XXYLT1: variants seen among roughly 807,000 people sequenced by gnomAD.
XXYLT1 encodes xyloside xylosyltransferase 1, also known as UDP-xylose:alpha-xyloside alpha-1,3-xylosyltransferase.
In XXYLT1, 20 loss-of-function variants were observed where a neutral mutation model predicts 28.9. That is an observed-to-expected ratio of 0.69 (90% CI 0.49 to 1.00). XXYLT1 has a LOEUF of 1.00. Ranked by LOEUF, XXYLT1 falls within the 50% of genes least tolerant of loss-of-function variation. The pLI is 0.00. For missense variants in XXYLT1, 542 were observed against 560.1 expected (o/e 0.97, Z 0.33); for synonymous variants, 257 against 253.8 (o/e 1.01, Z -0.12).
At chr3:195,080,689 G>A (rs965713543) in intron 3 of XXYLT1, among the ~76,000 whole-genome samples, 2 of 152,146 alleles carry the variant, frequency 1.3e-5, no homozygotes, top group South Asian at 2.1e-4. Context: ...GGTGTTTTCC[G>A]GGACAGCGAG....
intron 2 of XXYLT1, among the ~76,000 whole-genome samples, chr3:195,158,880 G>A (rs1720735005): frequency 6.6e-6 from 1 of 152,132 alleles, no homozygotes; most frequent in African/African-American, 2.4e-5. Flanking sequence ...TTTCTAAAGG[G>A]GCCTGTTCCT....
rs1215471328 is a variant in XXYLT1 at position 195,180,266 on chromosome 3, C to T, written c.653-23685G>A. ...CACCGGGGGTGGTGAGTGGCACACT[C>T]GGTCCCCCAGTTACAGGAAAGGTCC... On this transcript the variant is annotated intron_variant, in intron 2 of 3. Coordinates refer to ENST00000310380, the MANE Select transcript of XXYLT1 (RefSeq NM_152531.5). The surrounding 1 kb of genome is among the most constrained non-coding windows in gnomAD (Gnocchi z 5.8). 4 of 961,472 alleles carry T rather than the reference C, an allele frequency of 4.2e-6. No homozygotes were observed. The highest frequency in any genetic ancestry group is 1.8e-5 in the African/African-American group (1 of 56,816). The allele number at this position is 961,472 out of a possible 1,614,324, so 59.6% of individuals were successfully genotyped here.
rs543347960 is a variant in XXYLT1 at position 195,102,659 on chromosome 3, T to TTGTG, written c.786-32552_786-32549dup. Among the ~76,000 whole-genome samples the TTGTG allele has an allele frequency of 6.3e-3, 954 of 151,166 alleles. 9 individuals carry two copies. Among genetic ancestry groups the TTGTG allele is most frequent in the African/African-American group, 0.022 (913 of 41,296 alleles). On this transcript the variant is annotated intron_variant, in intron 3 of 3. Coordinates refer to ENST00000310380, the MANE Select transcript of XXYLT1 (RefSeq NM_152531.5). ...TTTAAAGGCCGAGTAATATTCCGTT[T>TTGTG]TGTGTGTGTGTGTGTGTGTCTTGTA...
intron 3 of XXYLT1, among the ~76,000 whole-genome samples, chr3:195,126,055 A>G (rs1577057722): frequency 6.6e-6 from 1 of 152,244 alleles, no homozygotes; most frequent in Non-Finnish European, 1.5e-5. Context: ...ACAGTGACCT[A>G]CGCCCAAATC....
chr3:195,239,445 CAAG>C (rs1370795832), intron 1 of XXYLT1, among the ~76,000 whole-genome samples: 2 of 152,134 alleles, frequency 1.3e-5, no homozygotes, highest in African/African-American at 4.8e-5. Flanking sequence ...TCGAGAGCTG[CAAG>C]AAGAACATAC....
At chr3:195,111,362 G>A (rs1000060523) in intron 3 of XXYLT1, among the ~76,000 whole-genome samples, 2 of 152,150 alleles carry the variant, frequency 1.3e-5, no homozygotes, top group South Asian at 2.1e-4. Context: ...AGGGAGTGGT[G>A]GTTAGGGCTT....
intron 3 of XXYLT1, among the ~76,000 whole-genome samples, chr3:195,126,924 G>A (rs542409463): frequency 2.0e-5 from 3 of 152,298 alleles, no homozygotes; most frequent in African/African-American, 7.2e-5. Context: ...CAGAGGGTCC[G>A]AAAGACTCTC....
At chr3:195,228,422 C>T (rs1450661400) in intron 1 of XXYLT1, among the ~76,000 whole-genome samples, 1 of 151,354 alleles carries the variant, frequency 6.6e-6, no homozygotes, top group Non-Finnish European at 1.5e-5. Flanking sequence ...CATCGGTGGT[C>T]GTGGCCCTGT....
chr3:195,137,521 G>C (rs1719262065), intron 3 of XXYLT1, among the ~76,000 whole-genome samples: 1 of 152,222 alleles, frequency 6.6e-6, no homozygotes, highest in Non-Finnish European at 1.5e-5. Flanking sequence ...AAAGGGGCTA[G>C]TGGCAGCTTC....
intron 3 of XXYLT1, among the ~76,000 whole-genome samples, chr3:195,071,422 C>T (rs1203254306): frequency 2.6e-5 from 4 of 152,334 alleles, no homozygotes; most frequent in South Asian, 2.1e-4. Context: ...CACATTGCTC[C>T]GCTTCTGGGA....
At chr3:195,123,082 A>G (rs1718446208) in intron 3 of XXYLT1, among the ~76,000 whole-genome samples, 2 of 152,194 alleles carry the variant, frequency 1.3e-5, no homozygotes, top group Admixed American at 6.5e-5. Context: ...ATGTCATTCT[A>G]TCATTCTACT....
chr3:195,160,109 AT>A (rs1720800398), intron 2 of XXYLT1, among the ~76,000 whole-genome samples: 1 of 152,188 alleles, frequency 6.6e-6, no homozygotes, highest in East Asian at 1.9e-4. Context: ...GAAGAAAAAA[AT>A]AGTGAGCCTT....
chr3:195,106,578 C>T (rs1717104076), intron 3 of XXYLT1, among the ~76,000 whole-genome samples: 1 of 152,142 alleles, frequency 6.6e-6, no homozygotes, highest in African/African-American at 2.4e-5. Context: ...CAGATCCGGC[C>T]GCGACACAGG....
chr3:195,079,400 A>AGAG (rs1419126960), intron 3 of XXYLT1, among the ~76,000 whole-genome samples: 1 of 152,286 alleles, frequency 6.6e-6, no homozygotes, highest in African/African-American at 2.4e-5. Context: ...TACATGAGAG[A>AGAG]AAGACAGACT....
rs1217646794 is a variant in XXYLT1, at chr3:195,078,017, G to A, written c.786-7906C>T. On this transcript the variant is annotated intron_variant, in intron 3 of 3. Transcript: ENST00000310380. The surrounding 1 kb of genome is among the most constrained non-coding windows in gnomAD (Gnocchi z 5.0). ...CCCCGGAGCCTCGGCCCTGGGAGGG[G>A]CAAGGGACAGAGATGAGGGGGAAGA... is the stretch of plus-strand genomic sequence containing the variant. Among the ~76,000 whole-genome samples the A allele has an allele frequency of 1.3e-5, 2 of 152,196 alleles. No homozygotes were observed. The highest frequency in any genetic ancestry group is 4.1e-4 in the South Asian group (2 of 4,826).
chr3:195,101,086 C>T (rs1716748732), intron 3 of XXYLT1, among the ~76,000 whole-genome samples: 1 of 152,258 alleles, frequency 6.6e-6, no homozygotes, highest in Admixed American at 6.5e-5. Context: ...CAGCAGCTCC[C>T]CAGCCTCACT....
At chr3:195,207,852 T>G (rs1029114444) in intron 2 of XXYLT1, among the ~76,000 whole-genome samples, 7 of 152,182 alleles carry the variant, frequency 4.6e-5, no homozygotes, top group Non-Finnish European at 8.8e-5. Flanking sequence ...CTGGTGGGCC[T>G]CAGATCCTCC....
chr3:195,147,368 G>A (rs1006217581), intron 3 of XXYLT1, among the ~76,000 whole-genome samples: 1 of 152,076 alleles, frequency 6.6e-6, no homozygotes, highest in African/African-American at 2.4e-5. Flanking sequence ...TCAGGAGTTC[G>A]AGACCAGCCT....
rs572878465 is a variant in XXYLT1 at position 195,244,675 on chromosome 3, T to C, written c.505-17819A>G. 3.5e-3 allele frequency among the ~76,000 whole-genome samples: 469 copies of C among 135,078 alleles called. 6 individuals are homozygous for C. The highest frequency in any genetic ancestry group is 3.6e-3 in the Non-Finnish European group (237 of 65,606). The allele number at this position is 135,078 out of a possible 152,430, so 88.6% of individuals were successfully genotyped here. ...TACTCGGGAGGCTGAGGCAGGAAAA[T>C]GGCGTGAACCCAGGGGGCAGAGCGT... On this transcript the variant is annotated intron_variant, in intron 1 of 3. Coordinates refer to ENST00000310380, the MANE Select transcript of XXYLT1 (RefSeq NM_152531.5).
Sources: allele counts gnomAD v4.1 joint callset (sites outside exome capture counted in the v4.1 genomes callset), GRCh38; gene constraint gnomAD v4.1.1; non-coding constraint Gnocchi (gnomAD v3.1); transcripts MANE v1.5; gene names NCBI Gene and HGNC (gene_info 2026-07-23, HGNC 2026-07-21).